REDIC1: variants seen among roughly 807,000 people sequenced by gnomAD.
The protein encoded by REDIC1 is regulator of DNA class I crossover intermediates 1.
the REDIC1 span, among the ~76,000 whole-genome samples, chr12:39,776,452 G>A: frequency 2.6e-5 from 4 of 152,238 alleles, no homozygotes; most frequent in African/African-American, 4.8e-5. Context: ...TTGGCAAGGG[G>A]TGGGTGCTGT....
the REDIC1 span, among the ~76,000 whole-genome samples, chr12:39,797,777 T>C: frequency 1.9e-3 from 255 of 135,152 alleles, no homozygotes; most frequent in Non-Finnish European, 3.0e-3. Context: ...CACACACACA[T>C]ACACGGATGC....
chr12:39,881,823 G>T, the REDIC1 span, among the ~76,000 whole-genome samples: 1 of 152,180 alleles, frequency 6.6e-6, no homozygotes, highest in African/African-American at 2.4e-5. Flanking sequence ...TCACTTAGTT[G>T]TCTGTCTACT....
At chr12:39,717,257 T>A in the REDIC1 span, among the ~76,000 whole-genome samples, 1 of 151,596 alleles carries the variant, frequency 6.6e-6, no homozygotes, top group Non-Finnish European at 1.5e-5. Context: ...AAGGTTTGAC[T>A]CCGCCAAACT....
At chr12:39,684,940 C>G in the REDIC1 span, 1 of 1,587,776 alleles carries the variant, frequency 6.3e-7, no homozygotes, top group Non-Finnish European at 8.6e-7. Flanking sequence ...AAAGCACAGT[C>G]TCACATTATC....
chr12:39,782,903 G>C, the REDIC1 span, among the ~76,000 whole-genome samples: 1 of 152,026 alleles, frequency 6.6e-6, no homozygotes, highest in South Asian at 2.1e-4. Context: ...TAAGTTCTAG[G>C]GTACATGTGC....
At chr12:39,713,971 G>A in the REDIC1 span, among the ~76,000 whole-genome samples, 1 of 147,090 alleles carries the variant, frequency 6.8e-6, no homozygotes, top group African/African-American at 2.5e-5. Flanking sequence ...ACAGGTATGT[G>A]CATATACGTA....
the REDIC1 span, among the ~76,000 whole-genome samples, chr12:39,664,143 T>TATAC: frequency 6.6e-6 from 1 of 152,056 alleles, no homozygotes; most frequent in African/African-American, 2.4e-5. Flanking sequence ...GTTACATATG[T>TATAC]ATACATATGC....
the REDIC1 span, among the ~76,000 whole-genome samples, chr12:39,668,469 A>C: frequency 1.1e-4 from 16 of 152,012 alleles, no homozygotes; most frequent in East Asian, 3.1e-3. Context: ...GTTGTGGGTA[A>C]CCCAACCTTT....
chr12:39,858,536 G>A, the REDIC1 span, among the ~76,000 whole-genome samples: 13 of 152,270 alleles, frequency 8.5e-5, no homozygotes, highest in African/African-American at 3.1e-4. Context: ...AATTACTGAT[G>A]CTAAACACAC....
chr12:39,812,835 CTT>C, the REDIC1 span, among the ~76,000 whole-genome samples: 96 of 127,922 alleles, frequency 7.5e-4, no homozygotes, highest in East Asian at 7.3e-3. Context: ...GTAGTATTAC[CTT>C]TTTTTTTTTT....
the REDIC1 span, among the ~76,000 whole-genome samples, chr12:39,770,052 ATC>A: frequency 1.3e-5 from 2 of 151,942 alleles, no homozygotes; most frequent in African/African-American, 2.4e-5. Context: ...TTATATCTGT[ATC>A]TCCATTTTAG....
At chr12:39,811,026 G>A in the REDIC1 span, among the ~76,000 whole-genome samples, 5 of 152,014 alleles carry the variant, frequency 3.3e-5, no homozygotes, top group Non-Finnish European at 5.9e-5. Flanking sequence ...TAAATATCTG[G>A]TTTAATTCAC....
At chr12:39,682,115 T>C in the REDIC1 span, among the ~76,000 whole-genome samples, 1 of 152,178 alleles carries the variant, frequency 6.6e-6, no homozygotes, top group South Asian at 2.1e-4. Context: ...TGTATTTATA[T>C]TGCTCTTCCT....
the REDIC1 span, among the ~76,000 whole-genome samples, chr12:39,773,481 C>T: frequency 6.6e-6 from 1 of 152,170 alleles, no homozygotes; most frequent in Non-Finnish European, 1.5e-5. Context: ...CACTCAACAC[C>T]CACCAAACCT....
the REDIC1 span, among the ~76,000 whole-genome samples, chr12:39,784,575 C>A: frequency 6.6e-6 from 1 of 152,128 alleles, no homozygotes; most frequent in Non-Finnish European, 1.5e-5. Flanking sequence ...AACATTAATT[C>A]AAAATGGATT....
the REDIC1 span, chr12:39,641,007 T>A: frequency 1.4e-5 from 23 of 1,605,990 alleles, no homozygotes; most frequent in Non-Finnish European, 2.0e-5. Flanking sequence ...AAAGAAAAAG[T>A]GTTTTTATTT....
At chr12:39,788,984 A>G in the REDIC1 span, among the ~76,000 whole-genome samples, 2 of 152,130 alleles carry the variant, frequency 1.3e-5, no homozygotes, top group Non-Finnish European at 2.9e-5. Context: ...GATTGATGCC[A>G]TAGTTGTTTT....
chr12:39,716,970 AGG>A, the REDIC1 span: 1 of 534,740 alleles, frequency 1.9e-6, no homozygotes, highest in Non-Finnish European at 2.8e-6. Context: ...ATAAACAAAA[AGG>A]TAAAAAATTT....
chr12:39,852,925 A>G, the REDIC1 span, among the ~76,000 whole-genome samples: 1 of 152,222 alleles, frequency 6.6e-6, no homozygotes, highest in South Asian at 2.1e-4. Context: ...TAAATAGCCA[A>G]TGGGAAACCT....
Sources: allele counts gnomAD v4.1 joint callset (sites outside exome capture counted in the v4.1 genomes callset), GRCh38; gene constraint gnomAD v4.1.1; transcripts MANE v1.5; gene names NCBI Gene and HGNC (gene_info 2026-07-23, HGNC 2026-07-21).